Variants in VPS35L observed in about 807,000 individuals in gnomAD.
The protein encoded by VPS35L is VPS35 endosomal protein sorting factor like, also known as VPS35 endosomal protein-sorting factor-like.
In VPS35L, 83 loss-of-function variants were observed where a neutral mutation model predicts 133.0. The observed-to-expected ratio is 0.62, with a 90% confidence interval of 0.52 to 0.75. VPS35L has a LOEUF of 0.75. VPS35L is among the 30% of genes least tolerant of loss of function. The probability of loss-of-function intolerance (pLI) is 0.00; values close to 1 mark genes in which losing one functional copy is unlikely to be tolerated. For missense variants in VPS35L, 1,083 were observed against 1,206.8 expected (o/e 0.90, Z 1.52); for synonymous variants, 423 against 449.9 (o/e 0.94, Z 0.76).
At chr16:19,604,219 A>C (rs575213247) in intron 9 of VPS35L, among the ~76,000 whole-genome samples, 2 of 152,096 alleles carry the variant, frequency 1.3e-5, no homozygotes, top group South Asian at 2.1e-4. Context: ...CAACCTCTTA[A>C]AAATTTTCAT....
At chr16:19,560,501 A>C (rs1970993824) in intron 1 of VPS35L, among the ~76,000 whole-genome samples, 1 of 152,236 alleles carries the variant, frequency 6.6e-6, no homozygotes, top group Non-Finnish European at 1.5e-5. Flanking sequence ...AGATAAAATT[A>C]AGAGTCATTT....
chr16:19,652,116 G>A (rs1307522606), intron 26 of VPS35L, 26 bp downstream of exon 26: 6 of 1,475,220 alleles, frequency 4.1e-6, no homozygotes, highest in Non-Finnish European at 5.6e-6. Context: ...TCTCATCTCG[G>A]GCACTCCCTT....
chr16:19,683,900 C>A (rs1975370688), intron 28 of VPS35L, among the ~76,000 whole-genome samples: 1 of 152,188 alleles, frequency 6.6e-6, no homozygotes, highest in Non-Finnish European at 1.5e-5. Flanking sequence ...AGTGGCTGAA[C>A]TAATTTGCAT....
rs1973346856 is a variant in VPS35L, at chr16:19,628,684, T to C, written c.1431T>C (p.Pro477=). ...GATTAAACTTGGCCTTGGCTGATCC[T>C]CCTGAGAGTGACCGACTTCAGATTC... ...SLGLNLALAD[P]PESDRLQILN... is the part of the protein sequence containing the mutation. Residue 477 remains proline, a synonymous_variant, in exon 17 of 31, where the codon CCT becomes CCC. Coordinates refer to ENST00000417362, the MANE Select transcript of VPS35L (RefSeq NM_020314.7). 1 of 1,603,744 alleles carries C rather than the reference T, an allele frequency of 6.2e-7. No homozygotes were observed. Among genetic ancestry groups the C allele is most frequent in the Middle Eastern group, 1.7e-4 (1 of 6,020 alleles).
chr16:19,616,865 C>T (rs1972912550), intron 14 of VPS35L, 57 bp downstream of exon 14: 1 of 1,610,204 alleles, frequency 6.2e-7, no homozygotes, highest in Non-Finnish European at 8.5e-7. Context: ...ACAGCCCCTG[C>T]CCACTGTGCC....
Position 19,693,597 on chromosome 16 carries a change from A to G in VPS35L, c.2646+2126A>G, listed in dbSNP as rs542643445. Among the ~76,000 whole-genome samples the G allele has an allele frequency of 5.9e-5, 9 of 152,302 alleles. No homozygotes were observed. In the South Asian group the frequency reaches 8.3e-4, roughly 14 times the overall value. The stretch of plus-strand genomic sequence containing the variant: ...GGAGTTCGAGACCAGCCTGGCCAAC[A>G]TGGCAAAATCCCACCTCTACAAAAA... On this transcript the variant is annotated intron_variant, in intron 29 of 30. Coordinates refer to ENST00000417362, the MANE Select transcript of VPS35L (RefSeq NM_020314.7).
Position 19,610,351 on chromosome 16 carries a change from C to A in VPS35L, c.959C>A (p.Thr320Lys). 6.2e-7 allele frequency: 1 copy of A among 1,614,132 alleles called. No homozygotes were observed. ...TGISECLPRL[T>K]CMIRGIGDPL... ...ATTTCAGAGTGCCTGCCCCGGTTGACATGCATGATCAGAGGGATCGGAGAC... is the reference window on the plus strand; with the variant it reads ...ATTTCAGAGTGCCTGCCCCGGTTGAAATGCATGATCAGAGGGATCGGAGAC... The change falls in exon 12 of 31, where the codon ACA becomes AAA. Residue 320 changes from threonine to lysine, a missense_variant. Coordinates refer to ENST00000417362, the MANE Select transcript of VPS35L (RefSeq NM_020314.7).
intron 4 of VPS35L, among the ~76,000 whole-genome samples, chr16:19,574,283 A>G (rs1971468509): frequency 6.6e-6 from 1 of 152,102 alleles, no homozygotes; most frequent in Non-Finnish European, 1.5e-5. Flanking sequence ...CCTCACATTC[A>G]TGTTGGTAGA....
chr16:19,642,379 C>G lies in VPS35L; in HGVS notation c.1785-17C>G. 1 of 1,609,434 alleles carries G rather than the reference C, an allele frequency of 6.2e-7. No homozygotes were observed. Among genetic ancestry groups the G allele is most frequent in the South Asian group, 1.1e-5 (1 of 90,842 alleles). ...CAGTGGACAAAACTTTGACTTTTAT[C>G]TTTAAATGTCTCCTAGGCATCAACA... On this transcript the variant is annotated splice_polypyrimidine_tract_variant and intron_variant, in intron 21 of 30. Coordinates refer to ENST00000417362, the MANE Select transcript of VPS35L (RefSeq NM_020314.7).
intron 7 of VPS35L, chr16:19,587,313 G>A (rs1361074944): frequency 2.2e-6 from 1 of 452,244 alleles, no homozygotes; most frequent in Non-Finnish European, 4.4e-6. Context: ...TCTCTACTGA[G>A]ATCTTGGCAC....
At chr16:19,593,860 T>C (rs1371256707) in intron 8 of VPS35L, among the ~76,000 whole-genome samples, 1 of 148,960 alleles carries the variant, frequency 6.7e-6, no homozygotes, top group African/African-American at 2.5e-5. Flanking sequence ...GAGATTGCAG[T>C]GGGCCAAGAT....
chr16:19,680,480 A>G (rs1052225618), intron 27 of VPS35L, among the ~76,000 whole-genome samples: 1 of 152,186 alleles, frequency 6.6e-6, no homozygotes, highest in Non-Finnish European at 1.5e-5. Context: ...GGCAAATGCA[A>G]TAGATGAAGT....
chr16:19,560,358 T>A (rs1163448839), intron 1 of VPS35L, among the ~76,000 whole-genome samples: 1 of 152,262 alleles, frequency 6.6e-6, no homozygotes, highest in Non-Finnish European at 1.5e-5. Flanking sequence ...TGTTTTGATC[T>A]AGCGTTTGCT....
At chr16:19,669,539 G>A (rs1974807065) in intron 27 of VPS35L, among the ~76,000 whole-genome samples, 1 of 152,118 alleles carries the variant, frequency 6.6e-6, no homozygotes, top group Admixed American at 6.5e-5. Context: ...GCCATAGACT[G>A]GGGTCTTAAA....
Position 19,699,177 on chromosome 16 carries a change from G to C in VPS35L, c.2647-325G>C, listed in dbSNP as rs151182145. Among the ~76,000 whole-genome samples, 1 of 152,310 alleles carries C rather than the reference G, an allele frequency of 6.6e-6. No homozygotes were observed. Among genetic ancestry groups the C allele is most frequent in the Non-Finnish European group, 1.5e-5 (1 of 68,028 alleles). Reference sequence around the variant, plus strand: ...TCAGCTGTACTTGCATTAAAGCAAGGCTTGTCCCTGCTGGGGTACCCTTCA... The same window carrying C: ...TCAGCTGTACTTGCATTAAAGCAAGCCTTGTCCCTGCTGGGGTACCCTTCA... On this transcript the variant is annotated intron_variant, in intron 29 of 30. Coordinates refer to ENST00000417362, the MANE Select transcript of VPS35L (RefSeq NM_020314.7). This position sits in a 1 kb window ranked among gnomAD's most constrained non-coding sequence, Gnocchi z 4.2.
chr16:19,572,234 G>C (rs557032560), intron 3 of VPS35L, among the ~76,000 whole-genome samples: 2 of 152,134 alleles, frequency 1.3e-5, no homozygotes, highest in Non-Finnish European at 2.9e-5. Flanking sequence ...CCGGACCAAC[G>C]TGGTGAAACA....
At chr16:19,640,469 CTT>C (rs1973753623) in intron 21 of VPS35L, among the ~76,000 whole-genome samples, 1 of 152,180 alleles carries the variant, frequency 6.6e-6, no homozygotes, top group Non-Finnish European at 1.5e-5. Context: ...AAGGAGCAGT[CTT>C]TTGATAAATT....
At chr16:19,698,891 T>C (rs2151633258) in intron 29 of VPS35L, among the ~76,000 whole-genome samples, 1 of 152,350 alleles carries the variant, frequency 6.6e-6, no homozygotes, top group South Asian at 2.1e-4. Flanking sequence ...CACTCAAAGC[T>C]GGAGTTCAGG....
intron 5 of VPS35L, chr16:19,578,813 C>T (rs1033520557): frequency 2.1e-5 from 11 of 535,054 alleles, no homozygotes; most frequent in Non-Finnish European, 3.0e-5. Context: ...TCAAATGCAG[C>T]GGTTAACCTC....
Sources: allele counts gnomAD v4.1 joint callset (sites outside exome capture counted in the v4.1 genomes callset), GRCh38; gene constraint gnomAD v4.1.1; non-coding constraint Gnocchi (gnomAD v3.1); transcripts MANE v1.5; gene names NCBI Gene and HGNC (gene_info 2026-07-23, HGNC 2026-07-21).